The following GLIS3 variants were observed in gnomAD, a reference collection of about 807,000 sequenced individuals.
GLIS3 encodes GLIS family zinc finger 3, also known as zinc finger protein GLIS3.
A neutral mutation model predicts 78.6 loss-of-function variants in GLIS3; 53 were observed. The ratio of observed to expected loss-of-function variants is 0.67; its 90% CI spans 0.54 to 0.85. The LOEUF is 0.85. Among genes scored for constraint, GLIS3 ranks in the 40% least tolerant of loss-of-function variants. The pLI is 0.00. For missense variants in GLIS3, 1,703 were observed against 1,231.1 expected, an observed-to-expected ratio of 1.38 and a Z score of -5.74; for synonymous variants, 684 against 509.9, an observed-to-expected ratio of 1.34 and a Z score of -4.60.
At chr9:3,858,701 A>T (rs1819954290) in intron 8 of GLIS3, among the ~76,000 whole-genome samples, 1 of 152,196 alleles carries the variant, frequency 6.6e-6, no homozygotes, top group African/African-American at 2.4e-5. Flanking sequence ...CTTTGATTTG[A>T]AAAGGAAAGA....
the GLIS3 span, among the ~76,000 whole-genome samples, chr9:4,374,189 T>A: frequency 6.6e-6 from 1 of 152,192 alleles, no homozygotes; most frequent in Non-Finnish European, 1.5e-5. Context: ...GCCTTCTAAT[T>A]GGATGCCAGC....
At chr9:4,446,832 G>C in the GLIS3 span, among the ~76,000 whole-genome samples, 1 of 151,922 alleles carries the variant, frequency 6.6e-6, no homozygotes. Context: ...CTCATGATGT[G>C]AAAGTGCTTT....
chr9:4,125,824 C>CT lies in GLIS3; in HGVS notation c.505dup (p.Ser169LysfsTer13). ...CTGGTTGCATGCTGTAGAGACCTGG[C>CT]TTGCTGGAGGTGAAATGAGTCCCAG... is the stretch of plus-strand genomic sequence containing the variant. On this transcript the variant is annotated frameshift_variant, in exon 3 of 11. Transcript: ENST00000381971. LOFTEE classifies it high-confidence loss of function. The CT allele has an allele frequency of 6.2e-7, 1 of 1,614,088 alleles. No individual in the cohort carries two copies. The highest frequency in any genetic ancestry group is 8.5e-7 in the Non-Finnish European group (1 of 1,179,996).
At chr9:4,360,631 C>T in the GLIS3 span, among the ~76,000 whole-genome samples, 11 of 152,146 alleles carry the variant, frequency 7.2e-5, no homozygotes, top group East Asian at 1.7e-3. Flanking sequence ...GAGAGATATC[C>T]AGTCCTTTGC....
chr9:3,837,274 A>T (rs1198117457), intron 9 of GLIS3, among the ~76,000 whole-genome samples: 1 of 152,230 alleles, frequency 6.6e-6, no homozygotes, highest in African/African-American at 2.4e-5. Flanking sequence ...GAAACCAGTG[A>T]TAACACCAAA....
At position 4,049,359 on chromosome 9, in the gene GLIS3, G is replaced by A. The variant is rs1175052859; in HGVS notation, c.1710+68409C>T. ...CCCCTTCCTCACCTCCCTACAACGT[G>A]ATTGTTAAAGGATAAAAGCCTAGCA... On this transcript the variant is annotated intron_variant, in intron 4 of 10. Coordinates refer to ENST00000381971, the MANE Select transcript of GLIS3 (RefSeq NM_001042413.2). Among the ~76,000 whole-genome samples, 4 of 152,126 alleles carry A rather than the reference G, an allele frequency of 2.6e-5. No homozygotes were observed. In the East Asian group the frequency reaches 7.7e-4, roughly 29 times the overall value.
At chr9:4,279,405 G>A (rs868174814) in intron 2 of GLIS3, among the ~76,000 whole-genome samples, 4 of 136,246 alleles carry the variant, frequency 2.9e-5, no homozygotes, top group South Asian at 2.3e-4. Context: ...ATATATCAGC[G>A]TTTTTTTTAA....
chr9:3,866,054 T>C (rs1695084672), intron 8 of GLIS3, among the ~76,000 whole-genome samples: 1 of 152,130 alleles, frequency 6.6e-6, no homozygotes, highest in African/African-American at 2.4e-5. Context: ...AGAAGAACAA[T>C]TGCCTGCTCT....
At chr9:4,294,752 T>G (rs531222797) in intron 1 of GLIS3, among the ~76,000 whole-genome samples, 2 of 152,238 alleles carry the variant, frequency 1.3e-5, no homozygotes, top group South Asian at 2.1e-4. Flanking sequence ...AGCCCTTACA[T>G]GTACACAGAT....
At position 3,938,527 on chromosome 9, in the gene GLIS3, T is replaced by A. The variant is rs146645046; in HGVS notation, c.1711-1338A>T. Among the ~76,000 whole-genome samples the A allele has an allele frequency of 1.3e-3, 205 of 152,222 alleles. 1 individual carries two copies. Among genetic ancestry groups the A allele is most frequent in the African/African-American group, 4.7e-3 (195 of 41,544 alleles). ...TTTCATCTTTAAATAAGGGACGAAC[T>A]AAGTAAAAAAAAATAATTAAACATG... On this transcript the variant is annotated intron_variant, in intron 4 of 10. Coordinates refer to ENST00000381971, the MANE Select transcript of GLIS3 (RefSeq NM_001042413.2).
At chr9:4,070,502 G>C (rs1827499401) in intron 4 of GLIS3, among the ~76,000 whole-genome samples, 1 of 151,584 alleles carries the variant, frequency 6.6e-6, no homozygotes, top group African/African-American at 2.4e-5. Context: ...ATGTGCGTAA[G>C]TATTTGTGTG....
chr9:4,337,140 C>A (rs1030342953), intron 2 of GLIS3, among the ~76,000 whole-genome samples: 1 of 152,084 alleles, frequency 6.6e-6, no homozygotes, highest in Non-Finnish European at 1.5e-5. Context: ...CAACTTTTCC[C>A]GAAAGTAATT....
At chr9:4,368,207 A>C in the GLIS3 span, among the ~76,000 whole-genome samples, 2 of 152,226 alleles carry the variant, frequency 1.3e-5, no homozygotes, top group Non-Finnish European at 2.9e-5. Context: ...TAATGTTCTC[A>C]GTATCTCCAA....
Position 4,007,459 on chromosome 9 carries a change from A to G in GLIS3, c.1711-70270T>C, listed in dbSNP as rs116563432. Among the ~76,000 whole-genome samples, 927 of 152,084 alleles carry G rather than the reference A, an allele frequency of 6.1e-3. 12 individuals are homozygous for G. The highest frequency in any genetic ancestry group is 0.022 in the African/African-American group (896 of 41,486). ...CCTCTTTCTGAATGTCTTCCTCTCC[A>G]TTTTCTGCCACAGGGAAGAGATGTA... is the stretch of plus-strand genomic sequence containing the variant. On this transcript the variant is annotated intron_variant, in intron 4 of 10. Coordinates refer to ENST00000381971, the MANE Select transcript of GLIS3 (RefSeq NM_001042413.2).
chr9:4,073,408 T>G (rs566029125), intron 4 of GLIS3, among the ~76,000 whole-genome samples: 1 of 152,198 alleles, frequency 6.6e-6, no homozygotes, highest in Non-Finnish European at 1.5e-5. Flanking sequence ...GAATTTTGAA[T>G]GAACACCCAG....
chr9:4,480,959 G>A, the GLIS3 span, among the ~76,000 whole-genome samples: 2 of 151,602 alleles, frequency 1.3e-5, no homozygotes, highest in Non-Finnish European at 2.9e-5. Flanking sequence ...GGTTCAAGTG[G>A]TCCTCCCACC....
intron 4 of GLIS3, among the ~76,000 whole-genome samples, chr9:3,992,813 A>C (rs1274053595): frequency 6.6e-6 from 1 of 152,164 alleles, no homozygotes; most frequent in African/African-American, 2.4e-5. Flanking sequence ...ACATCTAATA[A>C]TCTCTACCAT....
At chr9:4,418,655 C>T in the GLIS3 span, among the ~76,000 whole-genome samples, 12 of 151,898 alleles carry the variant, frequency 7.9e-5, no homozygotes, top group East Asian at 1.4e-3. Context: ...GCCGAGATCA[C>T]GCCACTGCAC....
intron 2 of GLIS3, among the ~76,000 whole-genome samples, chr9:4,320,538 T>C (rs1364255700): frequency 6.6e-6 from 1 of 152,146 alleles, no homozygotes; most frequent in Non-Finnish European, 1.5e-5. Context: ...TTTTACTTCT[T>C]AAATATTCTC....
Sources: gnomAD v4.1 joint callset for allele counts (sites outside exome capture counted in the v4.1 genomes callset) on GRCh38, gnomAD v4.1.1 for gene constraint, MANE v1.5 for transcripts, NCBI Gene and HGNC (gene_info 2026-07-23, HGNC 2026-07-21) for gene names.